The following NFIA variants were observed in gnomAD, a reference collection of about 807,000 sequenced individuals.
NFIA encodes nuclear factor I A, also known as nuclear factor 1 A-type.
A neutral mutation model predicts 62.8 loss-of-function variants in NFIA; 8 were observed. The observed-to-expected ratio is 0.13, with a 90% confidence interval of 0.07 to 0.23. NFIA has a LOEUF of 0.23. NFIA is among the 10% of genes least tolerant of loss of function. NFIA has a pLI of 1.00. For synonymous variants in NFIA, 235 were observed against 238.1 expected (o/e 0.99, Z 0.12); for missense variants, 410 against 642.1 (o/e 0.64, Z 3.91).
At chr1:61,132,895 C>T (rs1647106088) in intron 2 of NFIA, 1 of 152,166 alleles carries the variant, frequency 6.6e-6, no homozygotes, top group South Asian at 2.1e-4. Flanking sequence ...GCGTTAATTT[C>T]CTGTCGATCT....
chr1:61,345,950 A>G (rs1349191632), intron 4 of NFIA, among the ~76,000 whole-genome samples: 1 of 152,236 alleles, frequency 6.6e-6, no homozygotes, highest in East Asian at 1.9e-4. Context: ...TAGTGGTGGC[A>G]GTTCATTTTT....
At chr1:61,132,501 C>T (rs1462816931) in intron 2 of NFIA, among the ~76,000 whole-genome samples, 2 of 152,130 alleles carry the variant, frequency 1.3e-5, no homozygotes, top group African/African-American at 4.8e-5. Context: ...ACCTCAAGTA[C>T]CATAAGTTCA....
chr1:61,436,123 G>A (rs1667316578), intron 10 of NFIA, among the ~76,000 whole-genome samples: 1 of 152,164 alleles, frequency 6.6e-6, no homozygotes, highest in African/African-American at 2.4e-5. Flanking sequence ...TGAGTTGGAG[G>A]ATATGTGCCT....
intron 9 of NFIA, among the ~76,000 whole-genome samples, chr1:61,423,738 A>G (rs2474367): frequency 2.9e-3 from 440 of 152,238 alleles, no homozygotes; most frequent in African/African-American, 0.01. Flanking sequence ...CCCTTATCCA[A>G]TTGTTTCTGT....
intron 2 of NFIA, among the ~76,000 whole-genome samples, chr1:61,145,558 A>G (rs760060435): frequency 1.3e-4 from 20 of 152,238 alleles, no homozygotes; most frequent in Non-Finnish European, 2.8e-4. Context: ...TGAATGGGAC[A>G]AAAGTCTCTG....
chr1:61,176,625 A>C (rs1036916362), intron 2 of NFIA, among the ~76,000 whole-genome samples: 20 of 152,076 alleles, frequency 1.3e-4, no homozygotes, highest in African/African-American at 3.6e-4. Flanking sequence ...TAAGTTTAGA[A>C]AATTTGGAAA....
chr1:61,145,276 T>A (rs1008463305), intron 2 of NFIA, among the ~76,000 whole-genome samples: 1 of 152,188 alleles, frequency 6.6e-6, no homozygotes, highest in Non-Finnish European at 1.5e-5. Context: ...ACTGGTATTC[T>A]TTCTGAAATT....
intron 2 of NFIA, among the ~76,000 whole-genome samples, chr1:61,178,448 C>T (rs894188101): frequency 2.0e-5 from 3 of 152,122 alleles, no homozygotes; most frequent in Non-Finnish European, 2.9e-5. Flanking sequence ...CCTTAAAAAA[C>T]AATTCTACCA....
chr1:61,168,319 C>T (rs1010645116), intron 2 of NFIA, among the ~76,000 whole-genome samples: 30 of 152,154 alleles, frequency 2.0e-4, no homozygotes, highest in Non-Finnish European at 7.4e-5. Flanking sequence ...ATTTCAGTGA[C>T]ACCTACTTCT....
chr1:61,241,359 TTTAAG>T (rs1315473825), intron 2 of NFIA, among the ~76,000 whole-genome samples: 1 of 152,172 alleles, frequency 6.6e-6, no homozygotes, highest in Non-Finnish European at 1.5e-5. Flanking sequence ...GTGCAATGTA[TTTAAG>T]TTAAGGAAAT....
At chr1:61,216,573 TG>T in intron 2 of NFIA, among the ~76,000 whole-genome samples, 1 of 152,230 alleles carries the variant, frequency 6.6e-6, no homozygotes, top group Admixed American at 6.5e-5. Context: ...AAAACATGAT[TG>T]ATTGCTCAGG....
At chr1:61,394,838 G>A (rs939798744) in intron 7 of NFIA, among the ~76,000 whole-genome samples, 2 of 152,196 alleles carry the variant, frequency 1.3e-5, no homozygotes, top group African/African-American at 4.8e-5. Context: ...GCTGGGAGCG[G>A]TGGCTCACAC....
At chr1:61,162,353 G>A (rs1256699211) in intron 2 of NFIA, among the ~76,000 whole-genome samples, 1 of 152,202 alleles carries the variant, frequency 6.6e-6, no homozygotes, top group Non-Finnish European at 1.5e-5. Flanking sequence ...GAGAAGCAAG[G>A]CCCTGGGGGA....
intron 2 of NFIA, among the ~76,000 whole-genome samples, chr1:61,185,573 G>C (rs1229874234): frequency 1.3e-5 from 2 of 150,944 alleles, no homozygotes; most frequent in Admixed American, 6.6e-5. Flanking sequence ...CAAACTTGTT[G>C]CATTGGCCTG....
rs1663136770 is a variant in NFIA at position 61,359,009 on chromosome 1, GA to G, written c.819-136del. 4.1e-6 allele frequency: 5 copies of G among 1,219,432 alleles called. No individual in the cohort carries two copies. In the Admixed American group the frequency reaches 1.1e-4, roughly 27 times the overall value. The allele number at this position is 1,219,432 out of a possible 1,614,324, so 75.5% of individuals were successfully genotyped here. On this transcript the variant is annotated intron_variant, in intron 5 of 10. Coordinates refer to ENST00000403491, the MANE Select transcript of NFIA (RefSeq NM_001134673.4). ...ATCCAGTGACTCACCAGACTGAACA[GA>G]AGTTTAAAAGGAGTCCTAGAACTAC...
At chr1:61,200,202 T>C (rs79704036) in intron 2 of NFIA, among the ~76,000 whole-genome samples, 4,758 of 151,284 alleles carry the variant, frequency 0.031, 136 homozygotes, top group African/African-American at 0.065. Context: ...TGGAGCCCAG[T>C]TGCTGCTTTA....
Position 61,222,149 on chromosome 1 carries a change from G to A in NFIA, c.560-55371G>A, listed in dbSNP as rs185922026. ...GTTTTACTGTAGAAATGGATAGTGT[G>A]GGCTCTTTGTTATGGAGAAGTTTAA... On this transcript the variant is annotated intron_variant, in intron 2 of 10. Coordinates refer to ENST00000403491, the MANE Select transcript of NFIA (RefSeq NM_001134673.4). Among the ~76,000 whole-genome samples the A allele has an allele frequency of 3.0e-4, 45 of 152,184 alleles. No individual in the cohort carries two copies. The South Asian group carries it at 3.1e-3, about 11-fold the overall frequency.
intron 3 of NFIA, among the ~76,000 whole-genome samples, chr1:61,294,064 C>T (rs1266274223): frequency 6.6e-6 from 1 of 152,196 alleles, no homozygotes; most frequent in Non-Finnish European, 1.5e-5. Context: ...GTCAGATTCC[C>T]ACATTTTCCT....
At position 61,355,612 on chromosome 1, in the gene NFIA, A is replaced by G. The variant is rs550141492; in HGVS notation, c.818+3045A>G. On this transcript the variant is annotated intron_variant, in intron 5 of 10. Coordinates refer to ENST00000403491, the MANE Select transcript of NFIA (RefSeq NM_001134673.4). Reference sequence around the variant, plus strand: ...TTTTTTTTTTCTCCAATAGAGACAGAGTCTCTTTCTATTACCCAAGGTGAG... The same window carrying G: ...TTTTTTTTTTCTCCAATAGAGACAGGGTCTCTTTCTATTACCCAAGGTGAG... Among the ~76,000 whole-genome samples the G allele has an allele frequency of 1.6e-4, 24 of 151,870 alleles. No individual in the cohort carries two copies. The South Asian group carries it at 4.2e-3, about 26-fold the overall frequency.
Sources: gnomAD v4.1 joint callset for allele counts (sites outside exome capture counted in the v4.1 genomes callset) on GRCh38, gnomAD v4.1.1 for gene constraint, MANE v1.5 for transcripts, NCBI Gene and HGNC (gene_info 2026-07-23, HGNC 2026-07-21) for gene names.